Variants in SLC35E4 observed in about 807,000 individuals in gnomAD.
SLC35E4 encodes the protein solute carrier family 35 member E4.
A neutral mutation model predicts 19.3 loss-of-function variants in SLC35E4; 15 were observed. That is an observed-to-expected ratio of 0.78 (90% CI 0.52 to 1.20). SLC35E4 has a LOEUF of 1.20. Ranked by LOEUF, SLC35E4 falls within the 50% of genes most tolerant of loss-of-function variation. The probability of loss-of-function intolerance (pLI) is 0.00; values close to 1 mark genes in which losing one functional copy is unlikely to be tolerated. For synonymous variants in SLC35E4, 219 were observed against 219.9 expected, an observed-to-expected ratio of 1.00 and a Z score of 0.04; for missense variants, 406 against 472.3, an observed-to-expected ratio of 0.86 and a Z score of 1.30.
At chr22:30,658,160 A>G (rs1189527240) in intron 2 of SLC35E4, among the ~76,000 whole-genome samples, 1 of 151,398 alleles carries the variant, frequency 6.6e-6, no homozygotes, top group Non-Finnish European at 1.5e-5. Flanking sequence ...TTCTAGTTCT[A>G]AGTAAGATAG....
At chr22:30,650,856 T>G (rs2088197651), downstream of SLC35E4, among the ~76,000 whole-genome samples, 1 of 152,170 alleles carries the variant, frequency 6.6e-6, no homozygotes, top group Non-Finnish European at 1.5e-5. Context: ...TGTCCTGCTT[T>G]GGAGGAAGCC....
chr22:30,663,536 G>A, downstream of SLC35E4: 1 of 1,614,156 alleles, frequency 6.2e-7, no homozygotes, highest in Non-Finnish European at 8.5e-7. Flanking sequence ...CAAACAATTG[G>A]AACTCATAGT....
intron 2 of SLC35E4, among the ~76,000 whole-genome samples, chr22:30,657,642 T>C (rs1264713449): frequency 2.0e-5 from 3 of 151,544 alleles, no homozygotes; most frequent in Non-Finnish European, 2.9e-5. Context: ...CGGTGGCTCA[T>C]GCCTGTAATC....
downstream of SLC35E4, chr22:30,667,318 C>T (rs1424935719): frequency 6.6e-6 from 1 of 152,242 alleles, no homozygotes; most frequent in Non-Finnish European, 1.5e-5. Context: ...TCGTGAAATA[C>T]TAAGTTATAA....
chr22:30,660,915 C>T (rs1027204989), intron 2 of SLC35E4, among the ~76,000 whole-genome samples: 2 of 151,796 alleles, frequency 1.3e-5, no homozygotes, highest in Non-Finnish European at 2.9e-5. Flanking sequence ...TCTTGGCTCA[C>T]TGCAACCTCT....
At chr22:30,667,423 T>C (rs2088716891), downstream of SLC35E4, 1 of 152,200 alleles carries the variant, frequency 6.6e-6, no homozygotes, top group African/African-American at 2.4e-5. Context: ...TGGAATAGGC[T>C]TCTTCGCCTG....
downstream of SLC35E4, among the ~76,000 whole-genome samples, chr22:30,651,397 G>GTATATA (rs1411379695): frequency 4.2e-4 from 22 of 52,614 alleles, no homozygotes; most frequent in African/African-American, 2.9e-3. Context: ...GTGTGTGTGT[G>GTATATA]TGTATATATA....
intron 1 of SLC35E4, among the ~76,000 whole-genome samples, chr22:30,640,659 G>T (rs956796106): frequency 6.6e-6 from 1 of 152,216 alleles, no homozygotes; most frequent in Non-Finnish European, 1.5e-5. Flanking sequence ...GGAGGCCAGG[G>T]TGCCCACTCA....
chr22:30,664,465 A>T (rs2088581250), downstream of SLC35E4, among the ~76,000 whole-genome samples: 2 of 152,154 alleles, frequency 1.3e-5, no homozygotes, highest in Non-Finnish European at 2.9e-5. Context: ...AAGCTCACAG[A>T]GCCCTTTTCT....
intron 2 of SLC35E4, among the ~76,000 whole-genome samples, chr22:30,656,549 G>A (rs1466694674): frequency 6.6e-6 from 1 of 152,178 alleles, no homozygotes; most frequent in Non-Finnish European, 1.5e-5. Context: ...TAATCAAAAA[G>A]AGGCCTAGAA....
chr22:30,637,488 G>A (rs925256426), intron 1 of SLC35E4, among the ~76,000 whole-genome samples: 29 of 152,246 alleles, frequency 1.9e-4, no homozygotes, highest in South Asian at 2.1e-4. Flanking sequence ...ATGTTGGCCA[G>A]GCTGATCTTG....
chr22:30,635,811 C>A lies in SLC35E4; in HGVS notation c.-640C>A. 6.4e-6 allele frequency: 1 copy of A among 155,932 alleles called. No homozygotes were observed. Among genetic ancestry groups the A allele is most frequent in the South Asian group, 1.8e-4 (1 of 5,560 alleles). The allele number at this position is 155,932 out of a possible 1,614,324, so 9.7% of individuals were successfully genotyped here. A position where few individuals can be genotyped will look rare whatever the true frequency, so the allele number is the denominator to read the frequency against. On this transcript the variant is annotated 5_prime_UTR_variant, in exon 1 of 2. Coordinates refer to ENST00000343605, the MANE Select transcript of SLC35E4 (RefSeq NM_001001479.4). ...TCGCAGCAGGAGCCGCAGCCGGAGT[C>A]ACAGCCGCAGCCAGAGCCGCAGCCA...
chr22:30,659,681 T>TA (rs1569066451), intron 2 of SLC35E4, among the ~76,000 whole-genome samples: 1 of 152,184 alleles, frequency 6.6e-6, no homozygotes, highest in Non-Finnish European at 1.5e-5. Flanking sequence ...TAAGAAAATA[T>TA]AAGAATCAAG....
intron 2 of SLC35E4, among the ~76,000 whole-genome samples, chr22:30,661,092 C>T (rs537604698): frequency 1.3e-5 from 2 of 152,250 alleles, no homozygotes; most frequent in African/African-American, 4.8e-5. Flanking sequence ...CTGGCCACCT[C>T]GGCCTCCCAA....
chr22:30,664,791 G>A (rs1371112830), downstream of SLC35E4, among the ~76,000 whole-genome samples: 1 of 152,258 alleles, frequency 6.6e-6, no homozygotes, highest in Non-Finnish European at 1.5e-5. Context: ...GGGAAAGGGA[G>A]TGGCTGAAAG....
chr22:30,652,771 C>G (rs1029603518), downstream of SLC35E4, among the ~76,000 whole-genome samples: 2 of 152,232 alleles, frequency 1.3e-5, no homozygotes, highest in East Asian at 3.9e-4. Context: ...GTGAGTGATT[C>G]AAGAGAACAA....
At chr22:30,640,416 G>A (rs1320073978) in intron 1 of SLC35E4, among the ~76,000 whole-genome samples, 1 of 151,730 alleles carries the variant, frequency 6.6e-6, no homozygotes, top group Non-Finnish European at 1.5e-5. Flanking sequence ...TTCATGATTT[G>A]CACAGAGGTC....
At chr22:30,664,351 A>T (rs1333887735), downstream of SLC35E4, among the ~76,000 whole-genome samples, 3 of 152,230 alleles carry the variant, frequency 2.0e-5, no homozygotes, top group Non-Finnish European at 4.4e-5. Flanking sequence ...ACAAATGGCA[A>T]GTCCCCAAGT....
chr22:30,662,845 A>T (rs2088516928), exon 3 of SLC35E4: 1 of 152,616 alleles, frequency 6.6e-6, no homozygotes, highest in African/African-American at 2.4e-5. Flanking sequence ...ACAAAAAAAA[A>T]TTTACACAGT....
Sources: allele counts gnomAD v4.1 joint callset (sites outside exome capture counted in the v4.1 genomes callset), GRCh38; gene constraint gnomAD v4.1.1; transcripts MANE v1.5; gene names NCBI Gene and HGNC (gene_info 2026-07-23, HGNC 2026-07-21).